Variants in CCSER1 observed in about 807,000 individuals in gnomAD.
The protein encoded by CCSER1 is coiled-coil serine rich protein 1, also known as serine-rich coiled-coil domain-containing protein 1.
Under a neutral mutation model 82.0 loss-of-function variants are expected in CCSER1, and 41 were observed. The observed-to-expected ratio is 0.50, with a 90% confidence interval of 0.39 to 0.65. The LOEUF (loss-of-function observed/expected upper bound fraction) is 0.65, where lower values mean the gene tolerates loss of function less well. CCSER1 is among the 30% of genes least tolerant of loss of function. The pLI is 0.00. For synonymous variants in CCSER1, 414 were observed against 383.9 expected (o/e 1.08, Z -0.92); for missense variants, 1,119 against 1,064.2 (o/e 1.05, Z -0.72).
At chr4:91,234,886 T>C (rs566347271) in intron 10 of CCSER1, among the ~76,000 whole-genome samples, 2 of 152,090 alleles carry the variant, frequency 1.3e-5, no homozygotes, top group Non-Finnish European at 2.9e-5. Context: ...TGCCTCTTGT[T>C]AAATTATGGA....
intron 8 of CCSER1, among the ~76,000 whole-genome samples, chr4:90,851,003 C>A (rs1289825057): frequency 1.3e-5 from 2 of 152,116 alleles, no homozygotes; most frequent in African/African-American, 4.8e-5. Context: ...GTGCTCTTCT[C>A]AGGTTGGTGA....
intron 10 of CCSER1, among the ~76,000 whole-genome samples, chr4:91,586,256 G>A (rs1253272148): frequency 6.6e-6 from 1 of 151,672 alleles, no homozygotes; most frequent in African/African-American, 2.4e-5. Flanking sequence ...CAGTAAAAAA[G>A]TCATGGAGGT....
intron 7 of CCSER1, among the ~76,000 whole-genome samples, chr4:90,807,397 A>G (rs1757660242): frequency 6.6e-6 from 1 of 152,160 alleles, no homozygotes; most frequent in African/African-American, 2.4e-5. Context: ...TGGAACAGAA[A>G]GAGTTAATAA....
intron 7 of CCSER1, among the ~76,000 whole-genome samples, chr4:90,775,611 G>A (rs1752791765): frequency 6.6e-6 from 1 of 152,130 alleles, no homozygotes; most frequent in Non-Finnish European, 1.5e-5. Flanking sequence ...CCTTAGAAGT[G>A]ACTTATAAAT....
rs1299281637 is a variant in CCSER1, at chr4:90,781,977, A to G, written c.2011-33785A>G. On this transcript the variant is annotated intron_variant, in intron 7 of 10. Transcript: ENST00000509176. Reference sequence around the variant, plus strand: ...TTAAATGCCCGATATAGGAACAAAAATAAAATGAAGAACATTTCTATTATA... The same window carrying G: ...TTAAATGCCCGATATAGGAACAAAAGTAAAATGAAGAACATTTCTATTATA... The G allele has an allele frequency of 5.7e-6, 5 of 884,132 alleles. No individual in the cohort carries two copies. The African/African-American group carries it at 9.1e-5, about 16-fold the overall frequency. The allele number at this position is 884,132 out of a possible 1,614,324, so 54.8% of individuals were successfully genotyped here.
intron 6 of CCSER1, among the ~76,000 whole-genome samples, chr4:90,650,152 G>T (rs565182424): frequency 6.6e-6 from 1 of 152,192 alleles, no homozygotes; most frequent in Non-Finnish European, 1.5e-5. Flanking sequence ...GGGAGGGAGA[G>T]GTTGCAGTGA....
intron 3 of CCSER1, among the ~76,000 whole-genome samples, chr4:90,354,265 T>C (rs1393337832): frequency 6.6e-6 from 1 of 152,074 alleles, no homozygotes; most frequent in Non-Finnish European, 1.5e-5. Context: ...CAGCTGAGAG[T>C]AAACAGTGTT....
At chr4:90,456,938 G>T (rs1452390440) in intron 4 of CCSER1, among the ~76,000 whole-genome samples, 6 of 152,186 alleles carry the variant, frequency 3.9e-5, no homozygotes, top group African/African-American at 1.4e-4. Flanking sequence ...AGGACCACTG[G>T]ACTTGATTTG....
intron 8 of CCSER1, among the ~76,000 whole-genome samples, chr4:90,833,487 T>C (rs1201109308): frequency 6.6e-6 from 1 of 152,162 alleles, no homozygotes; most frequent in African/African-American, 2.4e-5. Flanking sequence ...ATGGCCATCT[T>C]ATTATGCCTA....
intron 10 of CCSER1, chr4:91,108,068 G>A (rs917541943): frequency 6.6e-5 from 10 of 152,294 alleles, no homozygotes; most frequent in African/African-American, 2.4e-4. Context: ...TGAGGTGAAA[G>A]TCTTATCTTT....
chr4:90,560,862 G>T (rs1472840457), intron 5 of CCSER1, among the ~76,000 whole-genome samples: 1 of 152,054 alleles, frequency 6.6e-6, no homozygotes, highest in Non-Finnish European at 1.5e-5. Flanking sequence ...TTTAATTCTG[G>T]ATGTTTGAAA....
At chr4:90,814,643 C>T (rs992760755) in intron 7 of CCSER1, among the ~76,000 whole-genome samples, 19 of 152,142 alleles carry the variant, frequency 1.2e-4, no homozygotes, top group African/African-American at 3.6e-4. Context: ...AAATTTCTTC[C>T]ACCAGGTACC....
chr4:90,927,519 T>C (rs574787913), intron 9 of CCSER1, among the ~76,000 whole-genome samples: 114 of 152,144 alleles, frequency 7.5e-4, no homozygotes, highest in African/African-American at 2.6e-3. Context: ...CATTCATGTA[T>C]GAATAAAGCA....
intron 1 of CCSER1, among the ~76,000 whole-genome samples, chr4:90,286,776 T>G (rs1341981404): frequency 6.6e-6 from 1 of 152,032 alleles, no homozygotes; most frequent in South Asian, 2.1e-4. Context: ...TAATAAAGTT[T>G]GTTAAGTCAT....
chr4:90,672,453 T>G (rs574177125), intron 6 of CCSER1, among the ~76,000 whole-genome samples: 8 of 152,212 alleles, frequency 5.3e-5, no homozygotes, highest in African/African-American at 1.9e-4. Flanking sequence ...TTGAAGAGAT[T>G]AAGGGCCTTG....
intron 5 of CCSER1, among the ~76,000 whole-genome samples, chr4:90,599,674 T>G (rs562328702): frequency 6.6e-6 from 1 of 152,294 alleles, no homozygotes; most frequent in East Asian, 1.9e-4. Context: ...ATCCTGAGTT[T>G]CTGTGCTCCA....
At chr4:90,880,674 A>T (rs1721167635) in intron 8 of CCSER1, among the ~76,000 whole-genome samples, 1 of 152,156 alleles carries the variant, frequency 6.6e-6, no homozygotes, top group South Asian at 2.1e-4. Context: ...TCCCAGAGGA[A>T]CTGTCTGGTG....
intron 5 of CCSER1, among the ~76,000 whole-genome samples, chr4:90,543,710 T>C (rs1776390616): frequency 6.6e-6 from 1 of 152,174 alleles, no homozygotes; most frequent in Non-Finnish European, 1.5e-5. Flanking sequence ...ATTATGCTTC[T>C]TTAACTGCAC....
chr4:91,319,754 T>TCAC (rs1746070631), intron 10 of CCSER1: 2 of 455,278 alleles, frequency 4.4e-6, no homozygotes, highest in Non-Finnish European at 8.8e-6. Flanking sequence ...CATTTGTTAA[T>TCAC]CACCTGTCAG....
Sources: allele counts gnomAD v4.1 joint callset (sites outside exome capture counted in the v4.1 genomes callset), GRCh38; gene constraint gnomAD v4.1.1; transcripts MANE v1.5; gene names NCBI Gene and HGNC (gene_info 2026-07-23, HGNC 2026-07-21).